RYR2: variants seen among roughly 807,000 people sequenced by gnomAD.
RYR2 encodes ryanodine receptor 2, also known as cardiac muscle ryanodine receptor-calcium release channel.
Under a neutral mutation model 601.1 loss-of-function variants are expected in RYR2, and 227 were observed. The ratio of observed to expected loss-of-function variants is 0.38; its 90% CI spans 0.34 to 0.42. The LOEUF is 0.42. RYR2 is among the 10% of genes least tolerant of loss of function. The probability of loss-of-function intolerance (pLI) is 1.00; values close to 1 mark genes in which losing one functional copy is unlikely to be tolerated. For synonymous variants in RYR2, 2,223 were observed against 2,175.1 expected, an observed-to-expected ratio of 1.02 and a Z score of -0.61; for missense variants, 4,646 against 6,156.5, an observed-to-expected ratio of 0.75 and a Z score of 8.21.
chr1:237,285,198 T>C (rs1360281608), intron 2 of RYR2, among the ~76,000 whole-genome samples: 1 of 152,190 alleles, frequency 6.6e-6, no homozygotes, highest in East Asian at 1.9e-4. Flanking sequence ...CATTAAGGTA[T>C]GTCCCTTGTA....
chr1:237,370,661 A>ATTTTT (rs141088160), intron 6 of RYR2, among the ~76,000 whole-genome samples: 2 of 133,644 alleles, frequency 1.5e-5, no homozygotes, highest in Admixed American at 7.7e-5. Flanking sequence ...GTTTCATTCC[A>ATTTTT]TTTTTTTTTT....
chr1:237,758,305 C>T (rs1159948885), intron 82 of RYR2, among the ~76,000 whole-genome samples: 3 of 152,092 alleles, frequency 2.0e-5, no homozygotes, highest in African/African-American at 7.2e-5. Flanking sequence ...ATGTATACTT[C>T]TTGTCTATGT....
intron 1 of RYR2, among the ~76,000 whole-genome samples, chr1:237,096,428 G>C (rs1275271588): frequency 1.3e-5 from 2 of 152,116 alleles, no homozygotes; most frequent in Non-Finnish European, 2.9e-5. Flanking sequence ...GTTCTTATGA[G>C]AATGGTTTCT....
intron 63 of RYR2, among the ~76,000 whole-genome samples, chr1:237,693,557 A>G (rs1687133809): frequency 6.6e-6 from 1 of 152,214 alleles, no homozygotes; most frequent in Admixed American, 6.5e-5. Context: ...TTGTAATACA[A>G]TGAGCATAAT....
At chr1:237,064,699 T>A (rs564517814) in intron 1 of RYR2, among the ~76,000 whole-genome samples, 1 of 151,616 alleles carries the variant, frequency 6.6e-6, no homozygotes, top group Non-Finnish European at 1.5e-5. Flanking sequence ...TGAGGTCTCA[T>A]GTGAATACCT....
intron 85 of RYR2, 38 bp from the exon 86 acceptor site, chr1:237,771,974 C>A: frequency 1.6e-6 from 2 of 1,213,954 alleles, no homozygotes; most frequent in Non-Finnish European, 1.2e-6. Flanking sequence ...ACTTGAACTT[C>A]TGAGCAAGCA....
In RYR2 at chr1:237,168,237, C is replaced by G. The variant is rs114261803; in HGVS notation, c.49-102260C>G. On this transcript the variant is annotated intron_variant, in intron 1 of 104. Coordinates refer to ENST00000366574, the MANE Select transcript of RYR2 (RefSeq NM_001035.3). ...CCATGTCAGTGTCCTTCTTAGATTCCTGGGCATTAATCGTTAAATGTTGTT... is the reference window on the plus strand; with the variant it reads ...CCATGTCAGTGTCCTTCTTAGATTCGTGGGCATTAATCGTTAAATGTTGTT... 6.1e-3 allele frequency among the ~76,000 whole-genome samples: 920 copies of G among 151,616 alleles called. 9 individuals carry two copies. The highest frequency in any genetic ancestry group is 0.032 in the South Asian group (155 of 4,800).
intron 3 of RYR2, among the ~76,000 whole-genome samples, chr1:237,341,403 G>T (rs1300099277): frequency 6.6e-6 from 1 of 152,052 alleles, no homozygotes; most frequent in African/African-American, 2.4e-5. Context: ...GAGTGCAATG[G>T]TGCAATATCC....
intron 1 of RYR2, among the ~76,000 whole-genome samples, chr1:237,173,417 A>G (rs965993885): frequency 5.3e-5 from 8 of 152,212 alleles, no homozygotes; most frequent in Non-Finnish European, 7.3e-5. Flanking sequence ...AATAGAATCC[A>G]TCTCACTGGG....
At chr1:237,531,727 G>A (rs926974932) in intron 25 of RYR2, among the ~76,000 whole-genome samples, 2 of 152,084 alleles carry the variant, frequency 1.3e-5, no homozygotes, top group Non-Finnish European at 2.9e-5. Flanking sequence ...TGCAGTTTTA[G>A]GTTCTAAAAT....
Position 237,610,642 on chromosome 1 carries a change from C to A in RYR2, c.4684-120C>A. 2.5e-6 allele frequency: 2 copies of A among 792,666 alleles called. No individual in the cohort carries two copies. Among genetic ancestry groups the A allele is most frequent in the Non-Finnish European group, 2.0e-6 (1 of 504,638 alleles). The allele number at this position is 792,666 out of a possible 1,614,324, so 49.1% of individuals were successfully genotyped here. ...TCTATGATTTCTTGTGTTGACTTTG[C>A]TTGACTCATAGGGTTATCTTACTTT... On this transcript the variant is annotated intron_variant, in intron 35 of 104. Transcript: ENST00000366574. The surrounding 1 kb of genome is among the most constrained non-coding windows in gnomAD (Gnocchi z 4.9).
At chr1:237,731,849 A>G (rs1334560771) in intron 77 of RYR2, among the ~76,000 whole-genome samples, 197 bp from the exon 78 acceptor site, 3 of 151,652 alleles carry the variant, frequency 2.0e-5, no homozygotes, top group South Asian at 2.1e-4. Flanking sequence ...ATATACACAT[A>G]CACACATATA....
At chr1:237,400,463 A>G (rs890916832) in intron 10 of RYR2, among the ~76,000 whole-genome samples, 4 of 152,166 alleles carry the variant, frequency 2.6e-5, no homozygotes, top group Non-Finnish European at 5.9e-5. Flanking sequence ...GGAAGGGGGC[A>G]TGTAAAGAGA....
intron 1 of RYR2, among the ~76,000 whole-genome samples, chr1:237,090,188 G>A: frequency 6.6e-6 from 1 of 152,114 alleles, no homozygotes; most frequent in East Asian, 1.9e-4. Context: ...TGCTATGTGG[G>A]GATTATGGGA....
intron 64 of RYR2, among the ~76,000 whole-genome samples, chr1:237,699,875 T>C (rs1687808089): frequency 1.3e-5 from 2 of 152,334 alleles, no homozygotes; most frequent in African/African-American, 4.8e-5. Flanking sequence ...TGCTACTCAT[T>C]GCCTCAGGAA....
intron 2 of RYR2, among the ~76,000 whole-genome samples, chr1:237,273,623 A>T (rs986294990): frequency 6.6e-6 from 1 of 152,124 alleles, no homozygotes; most frequent in African/African-American, 2.4e-5. Flanking sequence ...AAAATGGGAG[A>T]GTGGGTATAG....
intron 1 of RYR2, among the ~76,000 whole-genome samples, chr1:237,082,558 A>ATATATATATATATATATATATAT (rs1558200818): frequency 8.3e-5 from 2 of 24,176 alleles, no homozygotes; most frequent in African/African-American, 1.3e-4. Context: ...TATATATATA[A>ATATATATATATATATATATATAT]AATCGGATAT....
At chr1:237,208,765 A>G (rs1270916280) in intron 1 of RYR2, among the ~76,000 whole-genome samples, 1 of 151,608 alleles carries the variant, frequency 6.6e-6, no homozygotes, top group African/African-American at 2.4e-5. Context: ...TGTCCAATAC[A>G]GTGTTATTAA....
chr1:237,207,144 C>CA lies in RYR2; in HGVS notation c.49-63338dup, dbSNP rs5781942. ...GACAACAGTGAAAACCTGTCTCTACCAAAAAAAAAAAAAAATTAAAAAATA... is the reference window on the plus strand; with the variant it reads ...GACAACAGTGAAAACCTGTCTCTACCAAAAAAAAAAAAAAAATTAAAAAATA... On this transcript the variant is annotated intron_variant, in intron 1 of 104. Transcript: ENST00000366574. Among the ~76,000 whole-genome samples, 1,100 of 137,922 alleles carry CA rather than the reference C, an allele frequency of 8.0e-3. 8 individuals carry two copies. Among genetic ancestry groups the CA allele is most frequent in the Non-Finnish European group, 0.011 (707 of 63,822 alleles). 90.5% of individuals were successfully genotyped at this position (137,922 alleles called of 152,430 possible). A position where few individuals can be genotyped will look rare whatever the true frequency, so the allele number is the denominator to read the frequency against.
Sources: allele counts gnomAD v4.1 joint callset (sites outside exome capture counted in the v4.1 genomes callset), GRCh38; gene constraint gnomAD v4.1.1; non-coding constraint Gnocchi (gnomAD v3.1); transcripts MANE v1.5; gene names NCBI Gene and HGNC (gene_info 2026-07-23, HGNC 2026-07-21).